Variants in STAC3 observed in about 807,000 individuals in gnomAD.
STAC3 encodes SH3 and cysteine-rich domain-containing protein 3.
STAC3 carries 30 observed loss-of-function variants against 48.5 expected under a neutral mutation model. The observed-to-expected ratio is 0.62, with a 90% CI of 0.46 to 0.84. The LOEUF (loss-of-function observed/expected upper bound fraction) is 0.84. STAC3 is among the 40% of genes least tolerant of loss of function. The pLI is 0.00. For synonymous variants in STAC3, 144 were observed against 158.6 expected (o/e 0.91, Z 0.69); for missense variants, 419 against 462.6 (o/e 0.91, Z 0.86).
rs750927126 is a variant in STAC3 at position 57,244,238 on chromosome 12, G to T, written c.859-13C>A. ...CCCCGATTTTCCCCTAGGGAAGATA[G>T]TAGGGAGAGTCCATCTCTCAATGTC... On this transcript the variant is annotated splice_polypyrimidine_tract_variant and intron_variant, in intron 10 of 11. Coordinates refer to ENST00000332782, the MANE Select transcript of STAC3 (RefSeq NM_145064.3). 6.2e-7 allele frequency: 1 copy of T among 1,614,218 alleles called. No homozygotes were observed.
chr12:57,251,019 A>G lies in STAC3; in HGVS notation c.-28T>C. The G allele has an allele frequency of 2.7e-6, 1 of 376,386 alleles. No individual in the cohort carries two copies. Among genetic ancestry groups the G allele is most frequent in the Non-Finnish European group, 5.3e-6 (1 of 187,298 alleles). 23.3% of individuals were successfully genotyped at this position (376,386 alleles called of 1,614,324 possible). A position where few individuals can be genotyped will look rare whatever the true frequency, so the allele number is the denominator to read the frequency against. ...TTCGGGATTCCCTAAGTCAGTCCAC[A>G]GGCTGTAGAGGGAGCTGGGAGCCTC... On this transcript the variant is annotated 5_prime_UTR_variant, in exon 1 of 12. Coordinates refer to ENST00000332782, the MANE Select transcript of STAC3 (RefSeq NM_145064.3).
chr12:57,250,572 C>T (rs1185247415), intron 1 of STAC3, among the ~76,000 whole-genome samples: 1 of 152,050 alleles, frequency 6.6e-6, no homozygotes, highest in Non-Finnish European at 1.5e-5. Context: ...TCCTGGAAAT[C>T]TGTGGGCAAC....
intron 1 of STAC3, 37 bp from the exon 2 acceptor site, chr12:57,249,674 C>T (rs1263997239): frequency 3.1e-6 from 5 of 1,608,832 alleles, no homozygotes; most frequent in Non-Finnish European, 4.2e-6. Context: ...AATCTAATCC[C>T]TTTCATTCTT....
At chr12:57,244,645 A>G in intron 8 of STAC3, 23 bp from the exon 9 acceptor site, 2 of 1,613,722 alleles carry the variant, frequency 1.2e-6, no homozygotes, top group Non-Finnish European at 8.5e-7. Context: ...GGGAATGATG[A>G]GTCTTAGGGC....
At chr12:57,249,408 G>C (rs761750229) in intron 2 of STAC3, 100 bp from the exon 3 acceptor site, 331 of 1,504,694 alleles carry the variant, frequency 2.2e-4, no homozygotes, top group Admixed American at 5.1e-4. Context: ...CTAGTTTCAG[G>C]CAAGGAATGT....
rs1405893558 is a variant in STAC3 at position 57,246,070 on chromosome 12, T to C, written c.603+734A>G. The stretch of plus-strand genomic sequence containing the variant: ...TTTGCGGTGAGCCGAGATCGTGCCA[T>C]TGCACTCCAGCCTGGGCAACAAGAG... On this transcript the variant is annotated intron_variant, in intron 6 of 11. Transcript: ENST00000332782. Among the ~76,000 whole-genome samples, 8 of 140,542 alleles carry C rather than the reference T, an allele frequency of 5.7e-5. No homozygotes were observed. The South Asian group carries it at 1.6e-3, about 28-fold the overall frequency. 92.2% of individuals were successfully genotyped at this position (140,542 alleles called of 152,430 possible).
At chr12:57,246,208 T>C (rs1457407712) in intron 6 of STAC3, among the ~76,000 whole-genome samples, 1 of 151,498 alleles carries the variant, frequency 6.6e-6, no homozygotes, top group African/African-American at 2.4e-5. Flanking sequence ...AGCAGCCATA[T>C]CACATTGCTA....
Position 57,243,551 on chromosome 12 carries a change from A to T in STAC3, c.*261T>A. The T allele has an allele frequency of 2.3e-6, 1 of 438,900 alleles. No individual in the cohort carries two copies. Among genetic ancestry groups the T allele is most frequent in the Non-Finnish European group, 4.5e-6 (1 of 222,484 alleles). 27.2% of individuals were successfully genotyped at this position (438,900 alleles called of 1,614,324 possible). ...GCCCCAGTCCCTGGCTCCTCCTAGT[A>T]GATACGCGTTTTTTTCCAGCTCTTG... On this transcript the variant is annotated 3_prime_UTR_variant, in exon 12 of 12. Transcript: ENST00000332782.
chr12:57,247,229 T>C (rs1457079562), intron 5 of STAC3, among the ~76,000 whole-genome samples: 4 of 152,078 alleles, frequency 2.6e-5, no homozygotes, highest in African/African-American at 9.7e-5. Flanking sequence ...ATTCTCCTTC[T>C]AAGGAGAATG....
rs764616120 is a variant in STAC3 at position 57,243,907 on chromosome 12, C to G, written c.1000G>C (p.Val334Leu). ...GQITLKKDQI[V>L]VQKGDEAGGY... ...CCCGCTTCGTCTCCTTTCTGCACCA[C>G]GATCTAGAAGATTAAAGGATCAGAA... Residue 334 changes from valine (V) to leucine (L), a missense_variant, in exon 12 of 12, where the codon GTG (valine) becomes CTG (leucine). Val to Leu is a conservative substitution (Grantham distance 32). Transcript: ENST00000332782. The G allele has an allele frequency of 3.7e-6, 6 of 1,613,740 alleles. No homozygotes were observed. Among genetic ancestry groups the G allele is most frequent in the South Asian group, 1.1e-5 (1 of 91,024 alleles).
Position 57,248,800 on chromosome 12 carries a change from T to C in STAC3, c.338A>G (p.Asn113Ser), listed in dbSNP as rs553736807. Reference protein sequence around the residue: ...CDVCARMIVLNNKFGLRCKNC... With the variant: ...CDVCARMIVLSNKFGLRCKNC... ...CTTACAGCGAAGCCCAAACTTGTTG[T>C]TGACTTGGGAAAGGGGGAGAAAATT... Residue 113 changes from asparagine to serine, a missense_variant, in exon 4 of 12, where the codon AAC (asparagine) becomes AGC (serine). Transcript: ENST00000332782. 2 of 1,613,880 alleles carry C rather than the reference T, an allele frequency of 1.2e-6. No individual in the cohort carries two copies. The highest frequency in any genetic ancestry group is 2.2e-5 in the East Asian group (1 of 44,874).
rs2037696172 is a variant in STAC3, at chr12:57,244,929, G to A, written c.707C>T (p.Thr236Ile). 3 of 1,614,196 alleles carry A rather than the reference G, an allele frequency of 1.9e-6. No individual in the cohort carries two copies. The highest frequency in any genetic ancestry group is 2.5e-6 in the Non-Finnish European group (3 of 1,180,046). Residue 236 changes from threonine to isoleucine, a missense_variant, in exon 8 of 12, where the codon ACA becomes ATA. By Grantham distance (89) the Thr-to-Ile change is moderately conservative. Coordinates refer to ENST00000332782, the MANE Select transcript of STAC3 (RefSeq NM_145064.3). Reference sequence around the variant, plus strand: ...AAGGATTCTTACCTTGTCATCAGGTGTCTTCTTCTCAGCCTTCTTATCCCC... The same window carrying A: ...AAGGATTCTTACCTTGTCATCAGGTATCTTCTTCTCAGCCTTCTTATCCCC... ...PEGDKKAEKK[T>I]PDDKHKQPGF...
At chr12:57,244,003 A>G in intron 11 of STAC3, 85 bp downstream of exon 11, 1 of 1,609,298 alleles carries the variant, frequency 6.2e-7, no homozygotes, top group Non-Finnish European at 8.5e-7. Context: ...GGCTCACCCT[A>G]GTCTTATTAA....
chr12:57,251,132 C>G lies in STAC3; in HGVS notation c.-141G>C. ...GTACCCCCTGTGTTCACACCAGCTA[C>G]CCAGTCGCTATTTGTAGACCTCCTA... On this transcript the variant is annotated 5_prime_UTR_variant, in exon 1 of 12. Transcript: ENST00000332782. 1 of 454,420 alleles carries G rather than the reference C, an allele frequency of 2.2e-6. No individual in the cohort carries two copies. Among genetic ancestry groups the G allele is most frequent in the South Asian group, 1.6e-5 (1 of 64,486 alleles). 28.1% of individuals were successfully genotyped at this position (454,420 alleles called of 1,614,324 possible).
chr12:57,246,951 G>A, intron 5 of STAC3, 50 bp from the exon 6 acceptor site: 1 of 1,572,088 alleles, frequency 6.4e-7, no homozygotes, highest in Non-Finnish European at 8.7e-7. Context: ...GCAGAGAAAG[G>A]CTTGGAGGAA....
At chr12:57,249,418 T>C (rs2037846486) in intron 2 of STAC3, 110 bp from the exon 3 acceptor site, 2 of 1,499,700 alleles carry the variant, frequency 1.3e-6, no homozygotes, top group Non-Finnish European at 1.8e-6. Flanking sequence ...GCAAGGAATG[T>C]ACCCCAGGAT....
chr12:57,249,546 C>T (rs376707463), intron 2 of STAC3, 25 bp downstream of exon 2: 69 of 1,613,290 alleles, frequency 4.3e-5, no homozygotes, highest in Non-Finnish European at 5.8e-5. Flanking sequence ...CCCCCCACAC[C>T]CAGTGGTCAG....
In STAC3 at chr12:57,249,566, C is replaced by T. The variant is rs1366767536; in HGVS notation, c.66+5G>A. The T allele has an allele frequency of 3.1e-6, 5 of 1,613,898 alleles. No individual in the cohort carries two copies. In the African/African-American group the frequency reaches 6.7e-5, roughly 22 times the overall value. Reference sequence around the variant, plus strand: ...CACACCCAGTGGTCAGAGGCCCAGACTCACCCCACTTTGCCGAGTCTCTGC... The same window carrying T: ...CACACCCAGTGGTCAGAGGCCCAGATTCACCCCACTTTGCCGAGTCTCTGC... On this transcript the variant is annotated splice_donor_5th_base_variant and intron_variant, in intron 2 of 11. Transcript: ENST00000332782.
At position 57,249,553 on chromosome 12, in the gene STAC3, T is replaced by C. The variant is rs1362822836; in HGVS notation, c.66+18A>G. The C allele has an allele frequency of 5.0e-6, 8 of 1,613,632 alleles. No homozygotes were observed. The South Asian group carries it at 8.8e-5, about 18-fold the overall frequency. On this transcript the variant is annotated intron_variant, in intron 2 of 11. Coordinates refer to ENST00000332782, the MANE Select transcript of STAC3 (RefSeq NM_145064.3). ...CTTCCCAGCCCCCCACACCCAGTGGTCAGAGGCCCAGACTCACCCCACTTT... is the reference window on the plus strand; with the variant it reads ...CTTCCCAGCCCCCCACACCCAGTGGCCAGAGGCCCAGACTCACCCCACTTT...
Sources: allele counts gnomAD v4.1 joint callset (sites outside exome capture counted in the v4.1 genomes callset), GRCh38; gene constraint gnomAD v4.1.1; transcripts MANE v1.5; gene names NCBI Gene and HGNC (gene_info 2026-07-23, HGNC 2026-07-21).